Variants in CSTPP1 observed in about 807,000 individuals in gnomAD.
The protein encoded by CSTPP1 is UPF0705 protein C11orf49.
At chr11:47,008,846 C>A in the CSTPP1 span, among the ~76,000 whole-genome samples, 2 of 151,800 alleles carry the variant, frequency 1.3e-5, no homozygotes, top group African/African-American at 4.8e-5. Context: ...CTGGCTAACA[C>A]GGTGAAACCC....
chr11:47,024,389 T>A, the CSTPP1 span, among the ~76,000 whole-genome samples: 2 of 151,876 alleles, frequency 1.3e-5, no homozygotes, highest in African/African-American at 2.4e-5. Context: ...TTTTTTTTTT[T>A]AAACATTCCT....
At chr11:46,971,727 T>C in the CSTPP1 span, among the ~76,000 whole-genome samples, 1 of 152,198 alleles carries the variant, frequency 6.6e-6, no homozygotes, top group East Asian at 1.9e-4. Context: ...GGAGGATCGC[T>C]TGAGCCTAGG....
the CSTPP1 span, among the ~76,000 whole-genome samples, chr11:47,089,031 A>G: frequency 7.9e-5 from 12 of 152,306 alleles, no homozygotes; most frequent in East Asian, 2.3e-3. Flanking sequence ...TAATGTATCA[A>G]CTTGTCTTTC....
the CSTPP1 span, among the ~76,000 whole-genome samples, chr11:46,942,379 G>A: frequency 1.3e-5 from 2 of 152,278 alleles, no homozygotes; most frequent in East Asian, 3.9e-4. Context: ...AGGGCAGCCT[G>A]TTCTGGTCCC....
chr11:47,096,300 C>A, the CSTPP1 span, among the ~76,000 whole-genome samples: 1 of 152,152 alleles, frequency 6.6e-6, no homozygotes, highest in African/African-American at 2.4e-5. Context: ...AGAACTTTTT[C>A]ATCATCCTAA....
the CSTPP1 span, among the ~76,000 whole-genome samples, chr11:47,007,752 T>C: frequency 6.6e-6 from 1 of 152,138 alleles, no homozygotes; most frequent in Admixed American, 6.5e-5. Context: ...AATGATGTTA[T>C]CTTTCTTCGG....
the CSTPP1 span, among the ~76,000 whole-genome samples, chr11:46,994,969 A>C: frequency 6.6e-6 from 1 of 152,080 alleles, no homozygotes; most frequent in African/African-American, 2.4e-5. Context: ...TTATTGGTCT[A>C]CTCAGGGATT....
the CSTPP1 span, among the ~76,000 whole-genome samples, chr11:46,991,959 T>C: frequency 6.6e-6 from 1 of 152,170 alleles, no homozygotes; most frequent in Non-Finnish European, 1.5e-5. Context: ...CAGGCTTGTC[T>C]TGAACTCCTG....
the CSTPP1 span, among the ~76,000 whole-genome samples, chr11:46,979,710 T>G: frequency 2.8e-4 from 43 of 151,838 alleles, no homozygotes; most frequent in African/African-American, 1.0e-3. Context: ...GTCAAGAGTT[T>G]GAGACCAGCC....
At chr11:46,976,422 C>G in the CSTPP1 span, among the ~76,000 whole-genome samples, 9 of 141,082 alleles carry the variant, frequency 6.4e-5, no homozygotes, top group Admixed American at 2.1e-4. Context: ...CACACACACA[C>G]AGTACACACA....
At chr11:47,157,667 T>C in the CSTPP1 span, 8 of 429,732 alleles carry the variant, frequency 1.9e-5, no homozygotes, top group Admixed American at 2.2e-4. Context: ...CTCCTGACCA[T>C]AGTGAAGGCC....
chr11:47,156,747 T>G, the CSTPP1 span, among the ~76,000 whole-genome samples: 1 of 151,962 alleles, frequency 6.6e-6, no homozygotes, highest in African/African-American at 2.4e-5. Context: ...AAAAAAAGCC[T>G]ATGGTGCTAT....
chr11:46,959,345 T>C, the CSTPP1 span, among the ~76,000 whole-genome samples: 1 of 152,152 alleles, frequency 6.6e-6, no homozygotes, highest in Non-Finnish European at 1.5e-5. Flanking sequence ...TACAGATCAA[T>C]ATATAGAGTT....
the CSTPP1 span, among the ~76,000 whole-genome samples, chr11:46,991,852 C>T: frequency 2.0e-5 from 3 of 152,012 alleles, no homozygotes; most frequent in Non-Finnish European, 2.9e-5. Context: ...GAGATTCTCC[C>T]GCCTCAGCCT....
the CSTPP1 span, among the ~76,000 whole-genome samples, chr11:47,013,437 C>G: frequency 6.6e-6 from 1 of 152,062 alleles, no homozygotes; most frequent in African/African-American, 2.4e-5. Context: ...GTATGTTGTT[C>G]CCATCCCCAT....
the CSTPP1 span, chr11:47,157,252 G>C: frequency 3.3e-6 from 5 of 1,528,078 alleles, no homozygotes; most frequent in Non-Finnish European, 4.4e-6. Flanking sequence ...CAGCCCCCCA[G>C]CCCCAGGGGG....
chr11:47,046,294 A>C, the CSTPP1 span, among the ~76,000 whole-genome samples: 6 of 151,868 alleles, frequency 4.0e-5, no homozygotes, highest in Non-Finnish European at 8.8e-5. Flanking sequence ...AAAAAAAAAA[A>C]AAAAAACTTC....
chr11:47,066,591 C>A, the CSTPP1 span, among the ~76,000 whole-genome samples: 3 of 152,148 alleles, frequency 2.0e-5, no homozygotes, highest in Non-Finnish European at 4.4e-5. Context: ...TTATTGAATA[C>A]AAATTATTAT....
chr11:46,936,974 A>C, the CSTPP1 span: 1 of 1,155,488 alleles, frequency 8.7e-7, no homozygotes, highest in Non-Finnish European at 1.1e-6. Flanking sequence ...AGGGGCGGAG[A>C]GGCGGGGGTT....
Sources: gnomAD v4.1 joint callset for allele counts (sites outside exome capture counted in the v4.1 genomes callset) on GRCh38, gnomAD v4.1.1 for gene constraint, MANE v1.5 for transcripts, NCBI Gene and HGNC (gene_info 2026-07-23, HGNC 2026-07-21) for gene names.